The following CTTNBP2 variants were observed in gnomAD, a reference collection of about 807,000 sequenced individuals.
CTTNBP2 encodes the protein cortactin binding protein 2.
In CTTNBP2, 108 loss-of-function variants were observed where a neutral mutation model predicts 156.9. The observed-to-expected ratio is 0.69, with a 90% CI of 0.59 to 0.81. The LOEUF (loss-of-function observed/expected upper bound fraction) is 0.81. CTTNBP2 is among the 30% of genes least tolerant of loss of function. The pLI, the probability that CTTNBP2 is intolerant of heterozygous loss-of-function variation, is 0.00. For missense variants in CTTNBP2, 1,924 were observed against 2,035.4 expected, an observed-to-expected ratio of 0.95 and a Z score of 1.05; for synonymous variants, 767 against 751.8, an observed-to-expected ratio of 1.02 and a Z score of -0.33.
Position 117,800,576 on chromosome 7 carries a change from G to A in CTTNBP2, c.415-7795C>T, listed in dbSNP as rs117303885. 3.9e-3 allele frequency among the ~76,000 whole-genome samples: 596 copies of A among 152,194 alleles called. 5 individuals carry two copies. Among genetic ancestry groups the A allele is most frequent in the African/African-American group, 0.013 (558 of 41,536 alleles). ...TCATTTTGGCCTTATACAGCGGTAT[G>A]AGTAAGTAATTCTGAAACTACTCTG... On this transcript the variant is annotated intron_variant, in intron 3 of 22. Transcript: ENST00000160373.
intron 2 of CTTNBP2, among the ~76,000 whole-genome samples, chr7:117,825,507 G>A (rs1485860469): frequency 6.6e-6 from 1 of 152,230 alleles, no homozygotes; most frequent in Non-Finnish European, 1.5e-5. Context: ...TTCAGGAAGA[G>A]TCAGTTCTCA....
At chr7:117,865,116 T>G (rs968300207) in intron 1 of CTTNBP2, among the ~76,000 whole-genome samples, 1 of 151,620 alleles carries the variant, frequency 6.6e-6, no homozygotes, top group African/African-American at 2.4e-5. Context: ...TTATAAAAGA[T>G]TGCCTTGATA....
chr7:117,791,649 C>T lies in CTTNBP2; in HGVS notation c.1547G>A (p.Gly516Glu), dbSNP rs572557457. Residue 516 changes from glycine (G) to glutamate (E), a missense_variant, in exon 4 of 23, where the codon GGG becomes GAG. Gly to Glu is a moderately conservative substitution (Grantham distance 98, BLOSUM62 -2). Transcript: ENST00000160373. ...AACTGGAGGGTGGGTGCCAACATCC[C>T]CTGTTGGGGGCACTCCAGGCCTTGA... is the stretch of plus-strand genomic sequence containing the variant. ...APSRPGVPPT[G>E]DVGTHPPVGR... 1 of 1,614,130 alleles carries T rather than the reference C, an allele frequency of 6.2e-7. No homozygotes were observed. Among genetic ancestry groups the T allele is most frequent in the African/African-American group, 1.3e-5 (1 of 75,012 alleles).
intron 12 of CTTNBP2, among the ~76,000 whole-genome samples, chr7:117,750,634 CA>C (rs201967986): frequency 6.6e-5 from 10 of 150,920 alleles, no homozygotes; most frequent in African/African-American, 1.5e-4. Flanking sequence ...TGAACAACAA[CA>C]AAAAAAAACC....
chr7:117,728,200 C>G lies in CTTNBP2; in HGVS notation c.3944G>C (p.Trp1315Ser), dbSNP rs774164204. Residue 1315 changes from tryptophan to serine, a missense_variant, in exon 17 of 23, where the codon TGG (tryptophan) becomes TCG (serine). Physicochemically the swap from Trp to Ser is radical, Grantham distance 177. Transcript: ENST00000160373. ...CKIVDWALSV[W>S]RQLNSCLARL... ...GGCCAGGCAGGAGTTAAGCTGACGCCAGACGGACAGAGCCCAGTCGACAAT... is the reference window on the plus strand; with the variant it reads ...GGCCAGGCAGGAGTTAAGCTGACGCGAGACGGACAGAGCCCAGTCGACAAT... 1 of 1,614,160 alleles carries G rather than the reference C, an allele frequency of 6.2e-7. No homozygotes were observed. Among genetic ancestry groups the G allele is most frequent in the South Asian group, 1.1e-5 (1 of 91,084 alleles).
rs1354834603 is a variant in CTTNBP2 at position 117,780,534 on chromosome 7, T to C, written c.2430A>G (p.Gly810=). 3 of 1,595,468 alleles carry C rather than the reference T, an allele frequency of 1.9e-6. No homozygotes were observed. In the Admixed American group the frequency reaches 5.2e-5, roughly 28 times the overall value. The change falls in exon 7 of 23, where the codon GGA becomes GGG. Residue 810 remains glycine (G), a synonymous_variant. Coordinates refer to ENST00000160373, the MANE Select transcript of CTTNBP2 (RefSeq NM_033427.3). ...TACAGGCCAGGTATAGAGGTGTCTG[T>C]CCTCCATCAGCAGCATGATTAATGT... The part of the protein sequence containing the change: ...DANINHAADG[G]QTPLYLACKN...
intron 22 of CTTNBP2, among the ~76,000 whole-genome samples, chr7:117,713,259 C>T (rs959714374): frequency 6.6e-6 from 1 of 152,204 alleles, no homozygotes; most frequent in African/African-American, 2.4e-5. Flanking sequence ...ATAAGTCACA[C>T]ATTGATAATC....
At chr7:117,865,671 C>CA (rs61533705) in intron 1 of CTTNBP2, among the ~76,000 whole-genome samples, 887 of 74,200 alleles carry the variant, frequency 0.012, 12 homozygotes, top group African/African-American at 0.021. Flanking sequence ...ACTCCATCTC[C>CA]AAAAAAAAAA....
At chr7:117,829,575 G>A (rs1053031886) in intron 2 of CTTNBP2, among the ~76,000 whole-genome samples, 1 of 152,148 alleles carries the variant, frequency 6.6e-6, no homozygotes, top group African/African-American at 2.4e-5. Flanking sequence ...ATCCACATAT[G>A]CTCTAGGAAT....
chr7:117,735,376 A>G lies in CTTNBP2; in HGVS notation c.3581T>C (p.Ile1194Thr). ...VKQSPSKKKI[I>T]IILENLEKSS... ...TTTTTCTAAATTTTCTAAAATGATG[A>G]TGATTTTCTTCTTACTGGGAGATTG... The change falls in exon 15 of 23, where the codon ATC becomes ACC. Residue 1194 changes from isoleucine to threonine, a missense_variant. Transcript: ENST00000160373. The G allele has an allele frequency of 2.5e-6, 4 of 1,613,580 alleles. No homozygotes were observed. Among genetic ancestry groups the G allele is most frequent in the Non-Finnish European group, 3.4e-6 (4 of 1,179,558 alleles).
In CTTNBP2 at chr7:117,711,387, T is replaced by G; in HGVS notation, c.*150A>C. 1 of 844,454 alleles carries G rather than the reference T, an allele frequency of 1.2e-6. No homozygotes were observed. The highest frequency in any genetic ancestry group is 1.7e-5 in the African/African-American group (1 of 57,848). The allele number at this position is 844,454 out of a possible 1,614,324, so 52.3% of individuals were successfully genotyped here. On this transcript the variant is annotated 3_prime_UTR_variant, in exon 23 of 23. Transcript: ENST00000160373. ...AACAAAATGTTGGTTATAAATACAT[T>G]CTTTACAAAAAAAAATTGAATAGTG...
At chr7:117,729,062 A>G (rs996161206) in intron 16 of CTTNBP2, among the ~76,000 whole-genome samples, 3 of 152,196 alleles carry the variant, frequency 2.0e-5, no homozygotes, top group East Asian at 1.9e-4. Context: ...GAAGGAGGGT[A>G]GAGCTCTCAT....
Position 117,745,862 on chromosome 7 carries a change from C to T in CTTNBP2, c.3504G>A (p.Lys1168=). The change falls in exon 14 of 23, where the codon AAG becomes AAA. Residue 1168 remains lysine, a synonymous_variant. Coordinates refer to ENST00000160373, the MANE Select transcript of CTTNBP2 (RefSeq NM_033427.3). The part of the protein sequence containing the change: ...VRAEVDAGFS[K]EQLLDLFISS... ...TAATGAACAGGTCTAGTAGCTGTTC[C>T]TTGGAAAAACCAGCATCTACTTCAG... 1.2e-6 allele frequency: 2 copies of T among 1,613,954 alleles called. No homozygotes were observed. Among genetic ancestry groups the T allele is most frequent in the African/African-American group, 1.3e-5 (1 of 75,020 alleles).
chr7:117,819,757 C>T (rs1800843950), intron 2 of CTTNBP2, among the ~76,000 whole-genome samples: 1 of 152,122 alleles, frequency 6.6e-6, no homozygotes, highest in South Asian at 2.1e-4. Context: ...CCTTCATCCC[C>T]CAACCTATCT....
intron 2 of CTTNBP2, among the ~76,000 whole-genome samples, chr7:117,858,618 T>G (rs1803496096): frequency 6.6e-6 from 1 of 152,182 alleles, no homozygotes; most frequent in Admixed American, 6.5e-5. Flanking sequence ...CATTTTTGGT[T>G]TTCACAGTGA....
intron 8 of CTTNBP2, among the ~76,000 whole-genome samples, chr7:117,768,111 A>ACC (rs1249293153): frequency 6.6e-6 from 1 of 151,876 alleles, no homozygotes; most frequent in African/African-American, 2.4e-5. Flanking sequence ...ACACACACAC[A>ACC]CACACCCACT....
chr7:117,774,831 GA>G (rs1053462604), intron 8 of CTTNBP2, among the ~76,000 whole-genome samples: 2 of 150,580 alleles, frequency 1.3e-5, no homozygotes, highest in Non-Finnish European at 3.0e-5. Flanking sequence ...CTAGAGAAAA[GA>G]AAAAAAAATA....
chr7:117,722,463 T>C (rs1794853622), intron 19 of CTTNBP2, among the ~76,000 whole-genome samples: 2 of 152,150 alleles, frequency 1.3e-5, no homozygotes, highest in Admixed American at 1.3e-4. Context: ...CTTGTAGTTT[T>C]ATTCTGTCAA....
chr7:117,795,366 C>G (rs1324736663), intron 3 of CTTNBP2, among the ~76,000 whole-genome samples: 1 of 151,652 alleles, frequency 6.6e-6, no homozygotes, highest in African/African-American at 2.4e-5. Flanking sequence ...TTATACTAAC[C>G]CCAACAAAAA....
Sources: gnomAD v4.1 joint callset for allele counts (sites outside exome capture counted in the v4.1 genomes callset) on GRCh38, gnomAD v4.1.1 for gene constraint, MANE v1.5 for transcripts, NCBI Gene and HGNC (gene_info 2026-07-23, HGNC 2026-07-21) for gene names.